The following HFM1 variants were observed in gnomAD, a reference collection of about 807,000 sequenced individuals.
The protein encoded by HFM1 is probable ATP-dependent DNA helicase HFM1.
Under a neutral mutation model 192.1 loss-of-function variants are expected in HFM1, and 169 were observed. That is an observed-to-expected ratio of 0.88 (90% CI 0.78 to 1.00). The LOEUF (loss-of-function observed/expected upper bound fraction) is 1.00. HFM1 is among the 50% of genes least tolerant of loss of function. The probability of loss-of-function intolerance (pLI) is 0.00; values close to 1 mark genes in which losing one functional copy is unlikely to be tolerated. For synonymous variants in HFM1, 525 were observed against 537.8 expected (o/e 0.98, Z 0.33); for missense variants, 1,661 against 1,668.0 (o/e 1.00, Z 0.07).
At chr1:91,373,047 A>C (rs1660444787) in intron 13 of HFM1, among the ~76,000 whole-genome samples, 1 of 152,088 alleles carries the variant, frequency 6.6e-6, no homozygotes, top group Non-Finnish European at 1.5e-5. Flanking sequence ...AAATCCTTTA[A>C]ATGGAAGGAA....
At chr1:91,308,660 C>T (rs939536978) in intron 30 of HFM1, among the ~76,000 whole-genome samples, 1 of 152,134 alleles carries the variant, frequency 6.6e-6, no homozygotes, top group African/African-American at 2.4e-5. Context: ...GCCTTAGCCT[C>T]CTGAATATCT....
intron 13 of HFM1, among the ~76,000 whole-genome samples, chr1:91,370,741 G>A (rs1660071457): frequency 6.6e-6 from 1 of 151,884 alleles, no homozygotes. Flanking sequence ...TTCTGGCCAG[G>A]GCAATCAGGC....
chr1:91,351,261 A>G (rs1323895882), intron 17 of HFM1, among the ~76,000 whole-genome samples: 3 of 151,958 alleles, frequency 2.0e-5, no homozygotes, highest in African/African-American at 7.2e-5. Flanking sequence ...ATAATTTCAT[A>G]TATAAATTAT....
chr1:91,333,671 CATG>C (rs1431377273), intron 20 of HFM1, among the ~76,000 whole-genome samples: 1 of 152,072 alleles, frequency 6.6e-6, no homozygotes, highest in African/African-American at 2.4e-5. Context: ...ATGGATTTTC[CATG>C]ATATCATTAT....
chr1:91,391,713 A>C (rs1663015916), intron 4 of HFM1, among the ~76,000 whole-genome samples: 1 of 152,196 alleles, frequency 6.6e-6, no homozygotes, highest in South Asian at 2.1e-4. Context: ...TGACTAAAAC[A>C]CCAAAAGCAA....
At chr1:91,407,758 T>C (rs1483012105), upstream of HFM1, among the ~76,000 whole-genome samples, 1 of 152,254 alleles carries the variant, frequency 6.6e-6, no homozygotes, top group Non-Finnish European at 1.5e-5. Flanking sequence ...CTGCTTTCAA[T>C]TCCTTTGGAT....
intron 21 of HFM1, among the ~76,000 whole-genome samples, chr1:91,323,566 T>C (rs894696675): frequency 6.6e-6 from 1 of 152,192 alleles, no homozygotes; most frequent in Non-Finnish European, 1.5e-5. Flanking sequence ...CTACTACTGC[T>C]ATTCTACTGT....
chr1:91,354,734 T>C (rs1295073342), intron 13 of HFM1, among the ~76,000 whole-genome samples: 1 of 152,068 alleles, frequency 6.6e-6, no homozygotes, highest in East Asian at 1.9e-4. Context: ...AACAATACTA[T>C]ACAAAGCAAA....
chr1:91,345,271 G>T (rs1655980402), intron 19 of HFM1, among the ~76,000 whole-genome samples: 1 of 152,144 alleles, frequency 6.6e-6, no homozygotes, highest in South Asian at 2.1e-4. Context: ...TGCAAGGAGT[G>T]TTCCAAAAAT....
At chr1:91,290,121 C>A (rs1165439161) in intron 30 of HFM1, among the ~76,000 whole-genome samples, 3 of 152,066 alleles carry the variant, frequency 2.0e-5, no homozygotes, top group South Asian at 2.1e-4. Context: ...ACCATCGAGA[C>A]TAGGAAGAAA....
chr1:91,334,446 TA>T (rs1654288239), intron 20 of HFM1, among the ~76,000 whole-genome samples: 1 of 152,194 alleles, frequency 6.6e-6, no homozygotes, highest in Non-Finnish European at 1.5e-5. Flanking sequence ...CCTCAAATGA[TA>T]TTAAAAGAGG....
intron 30 of HFM1, among the ~76,000 whole-genome samples, chr1:91,303,216 C>T (rs1033404196): frequency 6.6e-6 from 1 of 152,164 alleles, no homozygotes; most frequent in African/African-American, 2.4e-5. Flanking sequence ...CACTAATCTA[C>T]TTTATGTCTC....
intron 30 of HFM1, among the ~76,000 whole-genome samples, chr1:91,284,411 C>T (rs1667751692): frequency 6.6e-6 from 1 of 151,880 alleles, no homozygotes; most frequent in Non-Finnish European, 1.5e-5. Context: ...GCCACCATGC[C>T]CAGCTAATTT....
At chr1:91,374,850 C>G (rs935281079) in intron 13 of HFM1, among the ~76,000 whole-genome samples, 2 of 152,102 alleles carry the variant, frequency 1.3e-5, no homozygotes, top group Non-Finnish European at 2.9e-5. Flanking sequence ...CATGTGAGTA[C>G]TTACAAACAC....
chr1:91,396,529 CTTTGA>C, intron 2 of HFM1, 124 bp from the exon 3 acceptor site: 4 of 557,228 alleles, frequency 7.2e-6, no homozygotes, highest in Non-Finnish European at 1.3e-5. Flanking sequence ...TCTGTCAGCA[CTTTGA>C]TTTATCCCTA....
intron 17 of HFM1, among the ~76,000 whole-genome samples, 155 bp downstream of exon 17, chr1:91,351,394 T>C (rs1032988812): frequency 3.9e-5 from 6 of 151,966 alleles, no homozygotes; most frequent in Non-Finnish European, 8.8e-5. Context: ...TTAAATTCCC[T>C]AAAATGACAC....
At chr1:91,344,470 A>C (rs976105287) in intron 19 of HFM1, among the ~76,000 whole-genome samples, 1 of 152,210 alleles carries the variant, frequency 6.6e-6, no homozygotes, top group South Asian at 2.1e-4. Flanking sequence ...CTACTCGATA[A>C]GTCAATGAAA....
At chr1:91,367,852 GA>G (rs1314439957) in intron 13 of HFM1, among the ~76,000 whole-genome samples, 3 of 151,830 alleles carry the variant, frequency 2.0e-5, no homozygotes, top group Middle Eastern at 3.4e-3. Flanking sequence ...TAAAAACCTT[GA>G]AAAAAAATTA....
At chr1:91,298,249 A>G (rs970256259) in intron 30 of HFM1, among the ~76,000 whole-genome samples, 2 of 152,166 alleles carry the variant, frequency 1.3e-5, no homozygotes, top group East Asian at 3.8e-4. Context: ...AAAAGAATAA[A>G]AAGAAACAAA....
Sources: allele counts gnomAD v4.1 joint callset (sites outside exome capture counted in the v4.1 genomes callset), GRCh38; gene constraint gnomAD v4.1.1; transcripts MANE v1.5; gene names NCBI Gene and HGNC (gene_info 2026-07-23, HGNC 2026-07-21).